Variants in SWT1 observed in about 807,000 individuals in gnomAD.
SWT1 encodes transcriptional protein SWT1.
Under a neutral mutation model 107.3 loss-of-function variants are expected in SWT1, and 33 were observed. That is an observed-to-expected ratio of 0.31 (90% confidence interval 0.23 to 0.41). The LOEUF is 0.41. Ranked by LOEUF, SWT1 falls within the 10% of genes least tolerant of loss-of-function variation. SWT1 has a pLI of 1.00. For synonymous variants in SWT1, 345 were observed against 348.3 expected (o/e 0.99, Z 0.11); for missense variants, 898 against 1,028.9 (o/e 0.87, Z 1.74).
chr1:185,212,759 C>T (rs531982879), intron 13 of SWT1, among the ~76,000 whole-genome samples: 5 of 150,030 alleles, frequency 3.3e-5, no homozygotes, highest in East Asian at 3.9e-4. Flanking sequence ...GCCGAGATTG[C>T]GCCATTGCAC....
intron 16 of SWT1, among the ~76,000 whole-genome samples, chr1:185,253,110 T>C (rs1662175174): frequency 7.1e-6 from 1 of 140,880 alleles, no homozygotes; most frequent in Admixed American, 7.1e-5. Flanking sequence ...CGGCGTTATT[T>C]CTGAGGGCTC....
At chr1:185,246,962 T>C (rs1008112195) in intron 16 of SWT1, among the ~76,000 whole-genome samples, 3 of 152,114 alleles carry the variant, frequency 2.0e-5, no homozygotes, top group African/African-American at 7.2e-5. Flanking sequence ...TCTAAGATCA[T>C]TTTTCTTTAC....
At position 185,187,140 on chromosome 1, in the gene SWT1, C is replaced by A. The variant is rs1377260611; in HGVS notation, c.1429+2209C>A. On this transcript the variant is annotated intron_variant, in intron 9 of 18. Coordinates refer to ENST00000367500, the MANE Select transcript of SWT1 (RefSeq NM_017673.7). ...TAATCTTAGCTCACTGCAACCTCCA[C>A]CTCCTAGCTCCACCTTCAAGAGCTT... 2.0e-5 allele frequency among the ~76,000 whole-genome samples: 3 copies of A among 150,860 alleles called. No homozygotes were observed. The East Asian group carries it at 5.8e-4, about 29-fold the overall frequency.
chr1:185,212,200 G>A (rs1658873461), intron 13 of SWT1, among the ~76,000 whole-genome samples: 1 of 152,074 alleles, frequency 6.6e-6, no homozygotes, highest in Non-Finnish European at 1.5e-5. Flanking sequence ...AAAACTGAAA[G>A]TGTAATAATA....
chr1:185,229,861 A>G (rs895808963), intron 15 of SWT1, among the ~76,000 whole-genome samples: 2 of 152,144 alleles, frequency 1.3e-5, no homozygotes, highest in African/African-American at 4.8e-5. Flanking sequence ...CACACACACA[A>G]ATACCCTGAA....
chr1:185,173,218 A>C (rs1558010844), intron 4 of SWT1, among the ~76,000 whole-genome samples: 1 of 152,122 alleles, frequency 6.6e-6, no homozygotes, highest in African/African-American at 2.4e-5. Flanking sequence ...TTTATCTACT[A>C]AGGCTAGTAA....
intron 10 of SWT1, among the ~76,000 whole-genome samples, chr1:185,202,359 G>A (rs1445604476): frequency 2.0e-5 from 3 of 152,072 alleles, no homozygotes; most frequent in African/African-American, 7.2e-5. Flanking sequence ...CTTTGGACAA[G>A]TTACTTAACT....
intron 16 of SWT1, among the ~76,000 whole-genome samples, chr1:185,243,330 G>T (rs572301022): frequency 1.3e-5 from 2 of 152,210 alleles, no homozygotes; most frequent in African/African-American, 4.8e-5. Context: ...GGCTGGTCTT[G>T]ATCTCCTGGA....
At chr1:185,211,824 AG>A (rs1386126615) in intron 13 of SWT1, among the ~76,000 whole-genome samples, 1 of 152,214 alleles carries the variant, frequency 6.6e-6, no homozygotes, top group Non-Finnish European at 1.5e-5. Context: ...CAACAATGAT[AG>A]ACTGGATTAA....
intron 16 of SWT1, among the ~76,000 whole-genome samples, chr1:185,244,083 T>C (rs943507016): frequency 1.3e-5 from 2 of 152,004 alleles, no homozygotes; most frequent in Non-Finnish European, 2.9e-5. Context: ...CTCTCTCTCT[T>C]TTTTAATATA....
At chr1:185,239,503 G>T (rs141327319) in intron 16 of SWT1, among the ~76,000 whole-genome samples, 1 of 152,062 alleles carries the variant, frequency 6.6e-6, no homozygotes, top group African/African-American at 2.4e-5. Context: ...GTTAGAAAAG[G>T]GATGAGGATC....
intron 15 of SWT1, chr1:185,227,098 C>G: frequency 8.2e-7 from 1 of 1,213,648 alleles, no homozygotes; most frequent in Non-Finnish European, 1.2e-6. Flanking sequence ...ACATTCTGGC[C>G]CATGATGTGC....
chr1:185,244,081 CT>C (rs1661435859), intron 16 of SWT1, among the ~76,000 whole-genome samples: 1 of 151,834 alleles, frequency 6.6e-6, no homozygotes, highest in Non-Finnish European at 1.5e-5. Flanking sequence ...ATCTCTCTCT[CT>C]TTTTTAATAT....
At chr1:185,162,321 A>G (rs898983066) in intron 2 of SWT1, among the ~76,000 whole-genome samples, 2 of 152,228 alleles carry the variant, frequency 1.3e-5, no homozygotes, top group African/African-American at 2.4e-5. Context: ...CTGACATGGC[A>G]TATCAGCAGT....
At chr1:185,268,550 A>G (rs1184088280) in intron 16 of SWT1, among the ~76,000 whole-genome samples, 2 of 152,154 alleles carry the variant, frequency 1.3e-5, no homozygotes, top group East Asian at 3.9e-4. Context: ...CCCAGGTCTC[A>G]AATAGTTGTT....
At chr1:185,226,670 TAAAACAAACA>T in intron 15 of SWT1, 1 of 430,938 alleles carries the variant, frequency 2.3e-6, no homozygotes, top group Non-Finnish European at 4.0e-6. Context: ...TGATTCAAAT[TAAAACAAACA>T]AAAACAAACA....
intron 13 of SWT1, among the ~76,000 whole-genome samples, chr1:185,209,078 G>A (rs758056748): frequency 3.3e-5 from 5 of 152,120 alleles, no homozygotes; most frequent in East Asian, 3.9e-4. Context: ...CATGCAAGAC[G>A]TGGATCATGA....
intron 2 of SWT1, among the ~76,000 whole-genome samples, chr1:185,162,188 T>A (rs981019268): frequency 1.3e-5 from 2 of 152,212 alleles, no homozygotes; most frequent in Non-Finnish European, 2.9e-5. Flanking sequence ...AATTAACCCC[T>A]CATTCCTTAA....
At chr1:185,237,252 A>G (rs10218496) in intron 16 of SWT1, among the ~76,000 whole-genome samples, 70,099 of 152,036 alleles carry the variant, frequency 0.46, 18,322 homozygotes, top group African/African-American at 0.73. Flanking sequence ...ACATGCACAC[A>G]TATGTTTATT....
Sources: allele counts gnomAD v4.1 joint callset (sites outside exome capture counted in the v4.1 genomes callset), GRCh38; gene constraint gnomAD v4.1.1; transcripts MANE v1.5; gene names NCBI Gene and HGNC (gene_info 2026-07-23, HGNC 2026-07-21).